Variants in SUPT3H observed in about 807,000 individuals in gnomAD.
SUPT3H encodes transcription initiation protein SPT3 homolog.
In SUPT3H, 44 loss-of-function variants were observed where a neutral mutation model predicts 44.3. The ratio of observed to expected loss-of-function variants is 0.99; its 90% CI spans 0.78 to 1.28. The LOEUF (loss-of-function observed/expected upper bound fraction) is 1.28. Among genes scored for constraint, SUPT3H ranks in the 50% most tolerant of loss-of-function variants. SUPT3H has a pLI of 0.00. For synonymous variants in SUPT3H, 124 were observed against 125.6 expected (o/e 0.99, Z 0.09); for missense variants, 380 against 387.1 (o/e 0.98, Z 0.15).
Position 44,829,838 on chromosome 6 carries a change from C to T in SUPT3H, c.932G>A (p.Gly311Glu). Reference sequence around the variant, plus strand: ...ACATCAGCAGGCTAGAAAAGCCATCCCATTCCTGCGGTAGGCATTCTGTCA... The same window carrying T: ...ACATCAGCAGGCTAGAAAAGCCATCTCATTCCTGCGGTAGGCATTCTGTCA... ...SPFTNAYRRN[G>E]MAFLAC The change falls in exon 11 of 11, where the codon GGG becomes GAG. Residue 311 changes from glycine (G) to glutamate (E), a missense_variant. Transcript: ENST00000371459. 2 of 1,613,210 alleles carry T rather than the reference C, an allele frequency of 1.2e-6. No homozygotes were observed. The highest frequency in any genetic ancestry group is 2.2e-5 in the South Asian group (2 of 91,036).
intron 2 of SUPT3H, among the ~76,000 whole-genome samples, chr6:45,238,314 C>T (rs1428294496): frequency 6.6e-6 from 1 of 152,162 alleles, no homozygotes; most frequent in Non-Finnish European, 1.5e-5. Context: ...ACCTCAGTAA[C>T]TGACAGTACA....
chr6:44,812,004 A>C (rs568436763), intron 11 of SUPT3H, among the ~76,000 whole-genome samples: 19 of 152,168 alleles, frequency 1.2e-4, no homozygotes, highest in African/African-American at 4.6e-4. Context: ...ACCCTGACTG[A>C]TAACTCAAGG....
intron 10 of SUPT3H, among the ~76,000 whole-genome samples, chr6:44,866,338 A>T (rs893195692): frequency 6.6e-5 from 10 of 151,908 alleles, no homozygotes; most frequent in African/African-American, 2.2e-4. Flanking sequence ...ACAAAAGCAA[A>T]CCCGGCTTAG....
intron 3 of SUPT3H, among the ~76,000 whole-genome samples, chr6:45,096,005 C>A (rs1402533124): frequency 6.6e-6 from 1 of 152,106 alleles, no homozygotes; most frequent in African/African-American, 2.4e-5. Context: ...ACTATTACTA[C>A]TGTTACTAGT....
At chr6:45,136,104 C>T (rs139051605) in intron 2 of SUPT3H, among the ~76,000 whole-genome samples, 1 of 152,136 alleles carries the variant, frequency 6.6e-6, no homozygotes, top group Admixed American at 6.6e-5. Flanking sequence ...AATGAATGTA[C>T]CCTCCATGAT....
intron 10 of SUPT3H, among the ~76,000 whole-genome samples, chr6:44,833,059 C>T (rs1026148735): frequency 2.0e-5 from 3 of 152,238 alleles, no homozygotes; most frequent in African/African-American, 7.2e-5. Context: ...AATATTACTG[C>T]GTATTATGTT....
intron 2 of SUPT3H, among the ~76,000 whole-genome samples, chr6:45,142,709 C>G (rs1399945178): frequency 9.2e-6 from 1 of 109,132 alleles, no homozygotes; most frequent in East Asian, 2.8e-4. Context: ...GCACTCCAGC[C>G]TGGGCAAGAA....
intron 2 of SUPT3H, among the ~76,000 whole-genome samples, chr6:45,325,539 A>G (rs1012549818): frequency 6.6e-6 from 1 of 151,802 alleles, no homozygotes; most frequent in Non-Finnish European, 1.5e-5. Context: ...CCATGGCATT[A>G]AAGTATGTGA....
At chr6:45,311,958 G>A (rs1035504816) in intron 2 of SUPT3H, among the ~76,000 whole-genome samples, 1 of 152,074 alleles carries the variant, frequency 6.6e-6, no homozygotes, top group Non-Finnish European at 1.5e-5. Flanking sequence ...CATGATGAAT[G>A]CAAGGGTACC....
intron 10 of SUPT3H, among the ~76,000 whole-genome samples, chr6:44,907,611 G>A (rs1766316303): frequency 6.6e-6 from 1 of 152,208 alleles, no homozygotes; most frequent in African/African-American, 2.4e-5. Context: ...CTGGGAGGCA[G>A]AGGTTGCAGT....
chr6:45,356,845 CTATATT>C (rs1793283784), intron 2 of SUPT3H, among the ~76,000 whole-genome samples: 1 of 152,172 alleles, frequency 6.6e-6, no homozygotes, highest in South Asian at 2.1e-4. Context: ...ATTTATTCCA[CTATATT>C]AAGAATTTAC....
chr6:45,116,494 A>G (rs1429492098), intron 2 of SUPT3H, among the ~76,000 whole-genome samples: 11 of 152,172 alleles, frequency 7.2e-5, no homozygotes, highest in Admixed American at 5.9e-4. Flanking sequence ...GCAACACACT[A>G]TCACTATGCC....
chr6:45,071,798 A>C (rs1279100699), intron 3 of SUPT3H, among the ~76,000 whole-genome samples: 1 of 152,210 alleles, frequency 6.6e-6, no homozygotes, highest in East Asian at 1.9e-4. Flanking sequence ...GTTTCAGCTC[A>C]TTCAGACATA....
intron 10 of SUPT3H, among the ~76,000 whole-genome samples, chr6:44,836,566 C>T (rs1244012661): frequency 2.0e-5 from 3 of 152,120 alleles, no homozygotes; most frequent in Admixed American, 6.6e-5. Flanking sequence ...CCAGTCTCTT[C>T]TTATTTTATT....
downstream of SUPT3H, among the ~76,000 whole-genome samples, chr6:44,821,739 T>C (rs9369513): frequency 0.42 from 63,155 of 152,026 alleles, 13,465 homozygotes; most frequent in East Asian, 0.69. Context: ...GTTCCAGTGA[T>C]AGTTTATGTC....
chr6:44,861,394 T>C (rs9472385), intron 10 of SUPT3H, among the ~76,000 whole-genome samples: 1 of 52,782 alleles, frequency 1.9e-5, no homozygotes, highest in African/African-American at 5.1e-5. Context: ...CTTTTCTTTT[T>C]GTTTTTTTTT....
chr6:45,128,270 GCAGAGGCAGGCAGAT>G (rs1232591149), intron 2 of SUPT3H, among the ~76,000 whole-genome samples: 2 of 151,566 alleles, frequency 1.3e-5, no homozygotes, highest in Non-Finnish European at 2.9e-5. Context: ...ACTTTGGGAG[GCAGAGGCAGGCAGAT>G]CACGAGGTCA....
At chr6:45,034,993 T>C (rs1156474467) in intron 3 of SUPT3H, among the ~76,000 whole-genome samples, 3 of 152,196 alleles carry the variant, frequency 2.0e-5, no homozygotes, top group Non-Finnish European at 2.9e-5. Flanking sequence ...TTTAAATATG[T>C]AAAATTCAGT....
At chr6:45,164,970 T>C (rs747176818) in intron 2 of SUPT3H, among the ~76,000 whole-genome samples, 6 of 152,022 alleles carry the variant, frequency 3.9e-5, no homozygotes, top group African/African-American at 7.2e-5. Flanking sequence ...CAAAGTTTGA[T>C]TGCATAGGAG....
Sources: gnomAD v4.1 joint callset for allele counts (sites outside exome capture counted in the v4.1 genomes callset) on GRCh38, gnomAD v4.1.1 for gene constraint, MANE v1.5 for transcripts, NCBI Gene and HGNC (gene_info 2026-07-23, HGNC 2026-07-21) for gene names.